The following BMPR1B variants were observed in gnomAD, a reference collection of about 807,000 sequenced individuals.
BMPR1B encodes the protein bone morphogenetic protein receptor type 1B, also known as bone morphogenetic protein receptor type-1B.
In BMPR1B, 12 loss-of-function variants were observed where a neutral mutation model predicts 59.1. That is an observed-to-expected ratio of 0.20 (90% CI 0.13 to 0.33). The LOEUF (loss-of-function observed/expected upper bound fraction) is 0.33. Ranked by LOEUF, BMPR1B falls within the 10% of genes least tolerant of loss-of-function variation. The pLI, the probability that BMPR1B is intolerant of heterozygous loss-of-function variation, is 1.00. For missense variants in BMPR1B, 550 were observed against 610.9 expected (o/e 0.90, Z 1.05); for synonymous variants, 237 against 207.3 (o/e 1.14, Z -1.23).
rs1312083639 is a variant in BMPR1B at position 94,970,752 on chromosome 4, A to G, written c.-112-25288A>G. Among the ~76,000 whole-genome samples the G allele has an allele frequency of 3.3e-5, 5 of 152,196 alleles. No homozygotes were observed. In the South Asian group the frequency reaches 1.0e-3, roughly 31 times the overall value. On this transcript the variant is annotated intron_variant, in intron 2 of 12. Transcript: ENST00000515059. ...TTAAATCTCAGTAATTGGGATATAT[A>G]TCACCTGAAACACCTATCATTTCTT...
At chr4:94,960,731 A>G (rs1730322341) in intron 2 of BMPR1B, among the ~76,000 whole-genome samples, 1 of 150,398 alleles carries the variant, frequency 6.6e-6, no homozygotes, top group African/African-American at 2.5e-5. Flanking sequence ...ATATATATAT[A>G]TATTTTAGTT....
At chr4:95,040,811 G>A (rs1192686077) in intron 3 of BMPR1B, among the ~76,000 whole-genome samples, 1 of 152,168 alleles carries the variant, frequency 6.6e-6, no homozygotes, top group Non-Finnish European at 1.5e-5. Context: ...TTCTCTTGGT[G>A]TGAAGAAAAC....
intron 2 of BMPR1B, among the ~76,000 whole-genome samples, chr4:94,916,988 G>T (rs1482575962): frequency 6.6e-6 from 1 of 152,264 alleles, no homozygotes; most frequent in African/African-American, 2.4e-5. Flanking sequence ...AGGGGCCTAG[G>T]TATAGCTTGG....
At chr4:95,025,789 A>G (rs1302348644) in intron 3 of BMPR1B, among the ~76,000 whole-genome samples, 3 of 152,176 alleles carry the variant, frequency 2.0e-5, no homozygotes, top group African/African-American at 4.8e-5. Flanking sequence ...CTTTGACCAA[A>G]GTCTTAGTTC....
At chr4:94,946,196 T>C (rs1341066747) in intron 2 of BMPR1B, among the ~76,000 whole-genome samples, 3 of 152,198 alleles carry the variant, frequency 2.0e-5, no homozygotes, top group African/African-American at 7.2e-5. Context: ...ACGAATCTTT[T>C]GGCAGTTAAC....
chr4:94,869,140 ACACTTTG>A (rs1726379439), intron 1 of BMPR1B, among the ~76,000 whole-genome samples: 1 of 136,902 alleles, frequency 7.3e-6, no homozygotes, highest in Non-Finnish European at 1.6e-5. Flanking sequence ...ACACACACAC[ACACTTTG>A]CTTTAAAGGA....
chr4:94,981,236 C>T (rs1363482032), intron 2 of BMPR1B, among the ~76,000 whole-genome samples: 1 of 148,926 alleles, frequency 6.7e-6, no homozygotes, highest in Non-Finnish European at 1.5e-5. Flanking sequence ...TGAGGGTATG[C>T]TCTATTGCCC....
chr4:94,789,091 C>G (rs1722865528), intron 1 of BMPR1B, among the ~76,000 whole-genome samples: 1 of 152,118 alleles, frequency 6.6e-6, no homozygotes, highest in Non-Finnish European at 1.5e-5. Context: ...TGCAGAGTGG[C>G]AGGAAGCACA....
intron 2 of BMPR1B, among the ~76,000 whole-genome samples, chr4:94,991,825 T>A (rs748439962): frequency 2.0e-5 from 3 of 152,216 alleles, no homozygotes; most frequent in Non-Finnish European, 2.9e-5. Context: ...GAGTGAGGTT[T>A]TTAAGTGACT....
At chr4:94,934,070 G>A (rs73838615) in intron 2 of BMPR1B, among the ~76,000 whole-genome samples, 19,802 of 152,064 alleles carry the variant, frequency 0.13, 1,441 homozygotes, top group African/African-American at 0.19. Flanking sequence ...CTCTTTCTCT[G>A]TGCATATGTG....
At chr4:94,796,115 G>T (rs145383065) in intron 1 of BMPR1B, among the ~76,000 whole-genome samples, 1 of 151,546 alleles carries the variant, frequency 6.6e-6, no homozygotes, top group Non-Finnish European at 1.5e-5. Context: ...CAGGTATGCC[G>T]CACCATGCCC....
intron 1 of BMPR1B, among the ~76,000 whole-genome samples, chr4:94,830,748 A>G (rs1186614716): frequency 6.6e-6 from 1 of 152,160 alleles, no homozygotes; most frequent in Non-Finnish European, 1.5e-5. Flanking sequence ...TGGTCCCATA[A>G]GGATGTTGCT....
At chr4:95,061,375 G>T (rs1429155107) in intron 3 of BMPR1B, among the ~76,000 whole-genome samples, 1 of 152,152 alleles carries the variant, frequency 6.6e-6, no homozygotes, top group Non-Finnish European at 1.5e-5. Flanking sequence ...AGGAAGCTCA[G>T]CAATGCAGCT....
intron 2 of BMPR1B, among the ~76,000 whole-genome samples, chr4:94,920,477 C>T (rs941081140): frequency 6.6e-6 from 1 of 152,182 alleles, no homozygotes. Flanking sequence ...ACACAGCCGG[C>T]TACATTGGCT....
At chr4:95,113,455 A>G (rs865827678) in intron 4 of BMPR1B, among the ~76,000 whole-genome samples, 4 of 152,198 alleles carry the variant, frequency 2.6e-5, no homozygotes, top group Non-Finnish European at 5.9e-5. Context: ...TGCTGCTACC[A>G]CTAAGACAGA....
At chr4:94,877,400 A>T (rs1333767266) in intron 2 of BMPR1B, among the ~76,000 whole-genome samples, 1 of 152,172 alleles carries the variant, frequency 6.6e-6, no homozygotes, top group East Asian at 1.9e-4. Context: ...GCCTTTTACC[A>T]GGAGTTGGGA....
intron 11 of BMPR1B, among the ~76,000 whole-genome samples, chr4:95,150,758 A>G (rs1313237941): frequency 6.6e-6 from 1 of 152,154 alleles, no homozygotes; most frequent in Non-Finnish European, 1.5e-5. Context: ...GAGATTTGCT[A>G]TAATGTTGCC....
chr4:94,970,239 T>TCTTCTCTTCTCTTCTCTTC (rs1730720647), intron 2 of BMPR1B, among the ~76,000 whole-genome samples: 8 of 127,346 alleles, frequency 6.3e-5, no homozygotes, highest in African/African-American at 2.4e-4. Context: ...CTGTTTGTTT[T>TCTTCTCTTCTCTTCTCTTC]TCTTCTCTTC....
chr4:94,793,432 GT>G (rs1216139930), intron 1 of BMPR1B, among the ~76,000 whole-genome samples: 1 of 151,180 alleles, frequency 6.6e-6, no homozygotes, highest in Non-Finnish European at 1.5e-5. Flanking sequence ...GGACATTTGG[GT>G]TGGTTCCAAG....
Sources: allele counts gnomAD v4.1 joint callset (sites outside exome capture counted in the v4.1 genomes callset), GRCh38; gene constraint gnomAD v4.1.1; transcripts MANE v1.5; gene names NCBI Gene and HGNC (gene_info 2026-07-23, HGNC 2026-07-21).